The following MSL2 variants were observed in gnomAD, a reference collection of about 807,000 sequenced individuals.
The protein encoded by MSL2 is MSL complex subunit 2.
Under a neutral mutation model 35.8 loss-of-function variants are expected in MSL2, and 2 were observed. That is an observed-to-expected ratio of 0.06 (90% CI 0.02 to 0.18). The LOEUF (loss-of-function observed/expected upper bound fraction) is 0.18. Among genes scored for constraint, MSL2 ranks in the 10% least tolerant of loss-of-function variants. The pLI is 1.00. For missense variants in MSL2, 523 were observed against 706.7 expected (o/e 0.74, Z 2.95); for synonymous variants, 296 against 255.7 (o/e 1.16, Z -1.50).
At chr3:136,168,568 A>C (rs1174399587) in intron 1 of MSL2, among the ~76,000 whole-genome samples, 1 of 152,182 alleles carries the variant, frequency 6.6e-6, no homozygotes, top group African/African-American at 2.4e-5. Context: ...CAATGAGAAC[A>C]CATGGATACA....
In MSL2 at chr3:136,164,683, G is replaced by GA. The variant is rs199914170; in HGVS notation, c.143-11946dup. On this transcript the variant is annotated intron_variant, in intron 1 of 1. Transcript: ENST00000309993. ...CCAGACAACATACTTGAATTTGTTG[G>GA]AAAAAAAAATGCATCTTATCCTAGA... Among the ~76,000 whole-genome samples, 982 of 149,734 alleles carry GA rather than the reference G, an allele frequency of 6.6e-3. 14 individuals carry two copies. The highest frequency in any genetic ancestry group is 0.022 in the African/African-American group (912 of 40,832).
chr3:136,196,255 A>T lies in MSL2; in HGVS notation c.-1142T>A, dbSNP rs1247279238. ...CAGGCCTCTGCTGGCGGCGACGACGACCGTTACCCCAACGGGCAAAGCCAC... is the reference window on the plus strand; with the variant it reads ...CAGGCCTCTGCTGGCGGCGACGACGTCCGTTACCCCAACGGGCAAAGCCAC... On this transcript the variant is annotated 5_prime_UTR_variant, in exon 1 of 2. Coordinates refer to ENST00000309993, the MANE Select transcript of MSL2 (RefSeq NM_018133.4). 6.6e-6 allele frequency: 1 copy of T among 151,592 alleles called. No homozygotes were observed. Among genetic ancestry groups the T allele is most frequent in the Non-Finnish European group, 1.5e-5 (1 of 68,380 alleles). 9.4% of individuals were successfully genotyped at this position (151,592 alleles called of 1,614,324 possible).
chr3:136,170,567 T>C (rs2108076020), intron 1 of MSL2, among the ~76,000 whole-genome samples: 1 of 134,244 alleles, frequency 7.4e-6, no homozygotes, highest in East Asian at 2.3e-4. Flanking sequence ...CAGGCTGGAG[T>C]GCAGTGGCGT....
chr3:136,166,396 A>G (rs1251931406), intron 1 of MSL2, among the ~76,000 whole-genome samples: 1 of 152,138 alleles, frequency 6.6e-6, no homozygotes, highest in African/African-American at 2.4e-5. Flanking sequence ...TCAAAAAAAA[A>G]GTAAGTTTTA....
intron 1 of MSL2, among the ~76,000 whole-genome samples, chr3:136,179,115 T>C (rs1940266532): frequency 6.6e-6 from 1 of 151,112 alleles, no homozygotes; most frequent in African/African-American, 2.4e-5. Flanking sequence ...AGCCTCCCAA[T>C]TAGCTATACC....
intron 1 of MSL2, among the ~76,000 whole-genome samples, chr3:136,180,816 G>GGAGGGAAGGAAGGAAGGAAGGAA (rs1553767129): frequency 3.7e-5 from 2 of 53,608 alleles, no homozygotes; most frequent in African/African-American, 8.1e-5. Context: ...GAGGGAAGGA[G>GGAGGGAAGGAAGGAAGGAAGGAA]GGAAGGAAGG....
chr3:136,162,719 C>T (rs1314402434), intron 1 of MSL2, among the ~76,000 whole-genome samples: 1 of 152,118 alleles, frequency 6.6e-6, no homozygotes, highest in Non-Finnish European at 1.5e-5. Flanking sequence ...TGTAACAAAA[C>T]CAAAATGTTA....
At chr3:136,180,816 G>GGAAGGAGGGAAGGAA (rs1553767129) in intron 1 of MSL2, among the ~76,000 whole-genome samples, 2 of 53,608 alleles carry the variant, frequency 3.7e-5, no homozygotes, top group African/African-American at 1.6e-4. Flanking sequence ...GAGGGAAGGA[G>GGAAGGAGGGAAGGAA]GGAAGGAAGG....
chr3:136,155,784 G>A (rs1939501345), intron 1 of MSL2: 1 of 567,884 alleles, frequency 1.8e-6, no homozygotes, highest in South Asian at 1.4e-5. Flanking sequence ...AAAGAGAACT[G>A]TGGGTCTGTG....
chr3:136,167,584 T>A (rs1324236005), intron 1 of MSL2, among the ~76,000 whole-genome samples: 1 of 152,118 alleles, frequency 6.6e-6, no homozygotes, highest in Non-Finnish European at 1.5e-5. Flanking sequence ...AACCTTTTGT[T>A]TATGACTCAT....
chr3:136,184,222 G>C (rs948290599), intron 1 of MSL2, among the ~76,000 whole-genome samples: 2 of 152,072 alleles, frequency 1.3e-5, no homozygotes, highest in African/African-American at 4.8e-5. Context: ...CTCGAACCCG[G>C]GAGGCGGAGG....
chr3:136,188,383 G>C (rs1418199198), intron 1 of MSL2, among the ~76,000 whole-genome samples: 1 of 150,734 alleles, frequency 6.6e-6, no homozygotes, highest in Admixed American at 6.6e-5. Context: ...GCAGTGAGCC[G>C]AGATCGCACC....
intron 1 of MSL2, among the ~76,000 whole-genome samples, chr3:136,157,867 G>C (rs546273707): frequency 1.4e-4 from 21 of 152,266 alleles, no homozygotes; most frequent in African/African-American, 4.8e-4. Flanking sequence ...TTCCTCAAAA[G>C]AAGACTCCAG....
At chr3:136,181,921 AAAATAAATAAATAAAT>A (rs144747029) in intron 1 of MSL2, among the ~76,000 whole-genome samples, 3,844 of 147,360 alleles carry the variant, frequency 0.026, 170 homozygotes, top group African/African-American at 0.091. Context: ...TCTGTCTCAA[AAAATAAATAAATAAAT>A]AAATAAATAA....
chr3:136,166,497 G>A (rs980538578), intron 1 of MSL2, among the ~76,000 whole-genome samples: 3 of 151,804 alleles, frequency 2.0e-5, no homozygotes, highest in African/African-American at 7.3e-5. Flanking sequence ...GCTTTTTAAA[G>A]CAATAAACCT....
chr3:136,156,151 T>C (rs1939514682), intron 1 of MSL2, among the ~76,000 whole-genome samples: 1 of 152,242 alleles, frequency 6.6e-6, no homozygotes, highest in Non-Finnish European at 1.5e-5. Flanking sequence ...GTCTTCTTAA[T>C]ATGTTCTTTT....
intron 1 of MSL2, among the ~76,000 whole-genome samples, chr3:136,192,436 C>A (rs957321790): frequency 6.6e-6 from 1 of 152,150 alleles, no homozygotes; most frequent in African/African-American, 2.4e-5. Context: ...ACCTTGGCCT[C>A]CCAAAGTGCT....
At chr3:136,173,212 G>A (rs577188886) in intron 1 of MSL2, among the ~76,000 whole-genome samples, 8 of 152,202 alleles carry the variant, frequency 5.3e-5, no homozygotes, top group African/African-American at 1.9e-4. Context: ...CTTCTTTCTA[G>A]AGTGATTGCC....
chr3:136,190,388 A>C (rs1273076924), intron 1 of MSL2, among the ~76,000 whole-genome samples: 3 of 152,106 alleles, frequency 2.0e-5, no homozygotes, highest in African/African-American at 7.2e-5. Context: ...CATCTCTACA[A>C]AAAAAATTTT....
Sources: allele counts gnomAD v4.1 joint callset (sites outside exome capture counted in the v4.1 genomes callset), GRCh38; gene constraint gnomAD v4.1.1; transcripts MANE v1.5; gene names NCBI Gene and HGNC (gene_info 2026-07-23, HGNC 2026-07-21).